PTPRH: variants seen among roughly 807,000 people sequenced by gnomAD.
PTPRH encodes the protein receptor-type tyrosine-protein phosphatase H.
PTPRH carries 113 observed loss-of-function variants against 130.2 expected under a neutral mutation model. The ratio of observed to expected loss-of-function variants is 0.87; its 90% confidence interval spans 0.75 to 1.01. The LOEUF is 1.01. PTPRH is among the 50% of genes least tolerant of loss of function. The pLI, the probability that PTPRH is intolerant of heterozygous loss-of-function variation, is 0.00. For synonymous variants in PTPRH, 556 were observed against 577.9 expected (o/e 0.96, Z 0.54); for missense variants, 1,430 against 1,425.0 (o/e 1.00, Z -0.06).
At chr19:55,203,207 G>C (rs1158104121) in intron 5 of PTPRH, among the ~76,000 whole-genome samples, 1 of 150,700 alleles carries the variant, frequency 6.6e-6, no homozygotes, top group East Asian at 2.0e-4. Flanking sequence ...TGCGCCTGTA[G>C]TCCCAGCTAC....
At chr19:55,193,486 A>G (rs200263475) in intron 10 of PTPRH, among the ~76,000 whole-genome samples, 1 of 152,178 alleles carries the variant, frequency 6.6e-6, no homozygotes, top group Admixed American at 6.5e-5. Flanking sequence ...CTTAGCTTAG[A>G]CTAGTGGTTC....
In PTPRH at chr19:55,203,474, A is replaced by G. The variant is rs995934041; in HGVS notation, c.886+308T>C. ...TCTGTTGCCCAGGCTGGAGTGCAGC[A>G]GTCCAATCAGAGCTCACTGCAACCT... On this transcript the variant is annotated intron_variant, in intron 5 of 19. Transcript: ENST00000376350. Among the ~76,000 whole-genome samples the G allele has an allele frequency of 3.7e-3, 554 of 149,348 alleles. 4 individuals are homozygous for G. Among genetic ancestry groups the G allele is most frequent in the African/African-American group, 0.01 (407 of 40,338 alleles).
Position 55,200,287 on chromosome 19 carries a change from C to T in PTPRH, c.1369G>A (p.Ala457Thr), listed in dbSNP as rs1342182526. 1 of 1,614,178 alleles carries T rather than the reference C, an allele frequency of 6.2e-7. No individual in the cohort carries two copies. Among genetic ancestry groups the T allele is most frequent in the Non-Finnish European group, 8.5e-7 (1 of 1,180,034 alleles). Residue 457 changes from alanine to threonine, a missense_variant, in exon 7 of 20, where the codon GCA becomes ACA. Coordinates refer to ENST00000376350, the MANE Select transcript of PTPRH (RefSeq NM_002842.5). ...PGTLYTFSVWAEKNGARGSRQ... is the reference protein window; with the variant it reads ...PGTLYTFSVWTEKNGARGSRQ... ...GAGCCACGTGCTCCATTTTTTTCTG[C>T]CCATACAGAGAATGTGTACAAGGTT... is the stretch of plus-strand genomic sequence containing the variant.
At position 55,198,852 on chromosome 19, in the gene PTPRH, C is replaced by A. The variant is rs925265680; in HGVS notation, c.1481G>T (p.Arg494Leu). The A allele has an allele frequency of 6.3e-7, 1 of 1,579,370 alleles. No homozygotes were observed. The highest frequency in any genetic ancestry group is 1.2e-5 in the South Asian group (1 of 86,428). ...QDWTNSTIAL[R>L]WTAPQGPGQS... ...GCCTGGGCCCTGGGGAGCTGTCCAG[C>A]GCAAAGCAATGGTGCTGTTGGTCCA... is the stretch of plus-strand genomic sequence containing the variant. The change falls in exon 8 of 20, where the codon CGC becomes CTC. Residue 494 changes from arginine to leucine, a missense_variant. Physicochemically the swap from Arg to Leu is moderately radical, Grantham distance 102. Transcript: ENST00000376350.
chr19:55,190,230 C>T (rs1054248753), intron 12 of PTPRH, among the ~76,000 whole-genome samples: 6 of 150,734 alleles, frequency 4.0e-5, no homozygotes, highest in Admixed American at 1.3e-4. Flanking sequence ...ATTAGCTGGG[C>T]GTGGTGGTGC....
chr19:55,184,140 C>T (rs1308853141), intron 18 of PTPRH, among the ~76,000 whole-genome samples: 8 of 151,660 alleles, frequency 5.3e-5, no homozygotes, highest in African/African-American at 1.9e-4. Context: ...CAAAATTAGC[C>T]GGGCGTGGTG....
chr19:55,199,222 G>A (rs765183276), intron 7 of PTPRH, among the ~76,000 whole-genome samples: 2 of 152,174 alleles, frequency 1.3e-5, no homozygotes, highest in East Asian at 1.9e-4. Context: ...TGGGAGGATC[G>A]CTTGAGCTTG....
At chr19:55,185,432 G>A (rs550207252) in intron 18 of PTPRH, 70 bp downstream of exon 18, 64 of 1,554,148 alleles carry the variant, frequency 4.1e-5, no homozygotes, top group African/African-American at 1.2e-4. Context: ...CCAGGGTCCC[G>A]TCTAACACAA....
rs143493860 is a variant in PTPRH, at chr19:55,205,423, G to A, written c.522C>T (p.Thr174=). Residue 174 remains threonine, a synonymous_variant, in exon 4 of 20, where the codon ACC becomes ACT. Coordinates refer to ENST00000376350, the MANE Select transcript of PTPRH (RefSeq NM_002842.5). ...GTRSTAHTNI[T]VDGLEPGCLY... is the part of the protein sequence containing the mutation. ...AACACCCGGGTTCAAGTCCATCCACGGTGATGTTAGTGTGTGCTGTGCTTC... is the reference window on the plus strand; with the variant it reads ...AACACCCGGGTTCAAGTCCATCCACAGTGATGTTAGTGTGTGCTGTGCTTC... 4.3e-5 allele frequency: 70 copies of A among 1,614,152 alleles called. No homozygotes were observed. Among genetic ancestry groups the A allele is most frequent in the African/African-American group, 3.3e-4 (25 of 75,034 alleles).
chr19:55,202,334 C>A lies in PTPRH; in HGVS notation c.887-12G>T. On this transcript the variant is annotated splice_polypyrimidine_tract_variant and intron_variant, in intron 5 of 19. Coordinates refer to ENST00000376350, the MANE Select transcript of PTPRH (RefSeq NM_002842.5). ...CACTGGGTTGGGAGCTGAAAACCAG[C>A]ACAGGAGGGAAAATCAGTTGTAGTT... 6.2e-7 allele frequency: 1 copy of A among 1,612,902 alleles called. No homozygotes were observed. The highest frequency in any genetic ancestry group is 8.5e-7 in the Non-Finnish European group (1 of 1,179,120).
At chr19:55,202,611 A>G (rs2086899867) in intron 5 of PTPRH, among the ~76,000 whole-genome samples, 1 of 151,922 alleles carries the variant, frequency 6.6e-6, no homozygotes, top group African/African-American at 2.4e-5. Flanking sequence ...ACACACACAC[A>G]TATATATACA....
rs1194758482 is a variant in PTPRH, at chr19:55,182,005, G to A, written c.3198+11C>T. 2 of 1,614,016 alleles carry A rather than the reference G, an allele frequency of 1.2e-6. No homozygotes were observed. Among genetic ancestry groups the A allele is most frequent in the African/African-American group, 1.3e-5 (1 of 75,026 alleles). ...TGCCTCCCGTCCTGTGTTGCTGAGG[G>A]ACTGCCTCACCTCAGTCTGCACCAT... On this transcript the variant is annotated intron_variant, in intron 19 of 19. Coordinates refer to ENST00000376350, the MANE Select transcript of PTPRH (RefSeq NM_002842.5).
At chr19:55,192,795 C>A (rs1485804251) in intron 10 of PTPRH, among the ~76,000 whole-genome samples, 1 of 151,828 alleles carries the variant, frequency 6.6e-6, no homozygotes, top group Non-Finnish European at 1.5e-5. Context: ...TCGTGATCCA[C>A]CTGCCTCAGC....
At chr19:55,195,682 T>C (rs1038538608) in intron 10 of PTPRH, among the ~76,000 whole-genome samples, 2 of 152,190 alleles carry the variant, frequency 1.3e-5, no homozygotes, top group Non-Finnish European at 2.9e-5. Context: ...CAAGTGATCC[T>C]TCTGACTCAG....
At position 55,207,211 on chromosome 19, in the gene PTPRH, C is replaced by A. The variant is rs1033193589; in HGVS notation, c.52-12G>T. 6.2e-7 allele frequency: 1 copy of A among 1,612,298 alleles called. No individual in the cohort carries two copies. The highest frequency in any genetic ancestry group is 1.3e-5 in the African/African-American group (1 of 74,862). On this transcript the variant is annotated splice_polypyrimidine_tract_variant and intron_variant, in intron 1 of 19. Coordinates refer to ENST00000376350, the MANE Select transcript of PTPRH (RefSeq NM_002842.5). Reference sequence around the variant, plus strand: ...CAGCTGCACAGGCCCTGGAGGGAACCCAGAGAAAACGGAGTCAGCCTCTCA... The same window carrying A: ...CAGCTGCACAGGCCCTGGAGGGAACACAGAGAAAACGGAGTCAGCCTCTCA...
At chr19:55,187,640 T>A in intron 13 of PTPRH, 37 bp from the exon 14 acceptor site, 1 of 1,493,662 alleles carries the variant, frequency 6.7e-7, no homozygotes, top group Non-Finnish European at 9.3e-7. Context: ...TGGTGTTGGA[T>A]TTTCTCTACT....
Position 55,209,353 on chromosome 19 carries a change from G to A in PTPRH, c.51+30C>T, listed in dbSNP as rs750917339. 13 of 1,556,250 alleles carry A rather than the reference G, an allele frequency of 8.4e-6. 1 individual carries two copies. In the South Asian group the frequency reaches 1.5e-4, roughly 18 times the overall value. ...CCTCAGACCTGGGAGTCCCTGCCTT[G>A]GGAGCCCGCTCTGGGCGGGGAGCAC... On this transcript the variant is annotated intron_variant, in intron 1 of 19. Transcript: ENST00000376350. The surrounding 1 kb of genome is among the most constrained non-coding windows in gnomAD (Gnocchi z 4.1).
chr19:55,186,640 A>ACACGCAGAG (rs1555875420), intron 14 of PTPRH, 100 bp from the exon 15 acceptor site: 1 of 1,155,872 alleles, frequency 8.7e-7, no homozygotes, highest in African/African-American at 1.6e-5. Flanking sequence ...AGACAAGACC[A>ACACGCAGAG]AGACCCATGG....
intron 10 of PTPRH, among the ~76,000 whole-genome samples, chr19:55,193,594 G>A (rs139365690): frequency 3.3e-5 from 5 of 152,326 alleles, no homozygotes; most frequent in Non-Finnish European, 7.3e-5. Context: ...CTGGCACATA[G>A]TGGGTGGGAA....
Sources: allele counts gnomAD v4.1 joint callset (sites outside exome capture counted in the v4.1 genomes callset), GRCh38; gene constraint gnomAD v4.1.1; non-coding constraint Gnocchi (gnomAD v3.1); transcripts MANE v1.5; gene names NCBI Gene and HGNC (gene_info 2026-07-23, HGNC 2026-07-21).